ANKRD44: variants seen among roughly 807,000 people sequenced by gnomAD.
The protein encoded by ANKRD44 is ankyrin repeat domain 44, also known as serine/threonine-protein phosphatase 6 regulatory ankyrin repeat subunit B.
A neutral mutation model predicts 116.0 loss-of-function variants in ANKRD44; 35 were observed. That is an observed-to-expected ratio of 0.30 (90% CI 0.23 to 0.40). The LOEUF (loss-of-function observed/expected upper bound fraction) is 0.40. Among genes scored for constraint, ANKRD44 ranks in the 10% least tolerant of loss-of-function variants. ANKRD44 has a pLI of 1.00. For missense variants in ANKRD44, 1,014 were observed against 1,242.6 expected (o/e 0.82, Z 2.77); for synonymous variants, 435 against 461.8 (o/e 0.94, Z 0.74).
intron 1 of ANKRD44, among the ~76,000 whole-genome samples, chr2:197,194,144 CAGAGGGGCCCATCATATTGGG>C (rs1480613865): frequency 1.3e-5 from 2 of 152,254 alleles, no homozygotes; most frequent in African/African-American, 4.8e-5. Flanking sequence ...ACCTCTAAAG[CAGAGGGGCCCATCATATTGGG>C]AGAGAAGCTT....
At chr2:197,035,245 C>G (rs1344991166) in intron 16 of ANKRD44, among the ~76,000 whole-genome samples, 1 of 152,004 alleles carries the variant, frequency 6.6e-6, no homozygotes, top group Non-Finnish European at 1.5e-5. Context: ...AGCTGGGAAG[C>G]CAAGCTTTAT....
intron 1 of ANKRD44, chr2:197,263,225 G>A: frequency 1.9e-6 from 1 of 513,542 alleles, no homozygotes; most frequent in Non-Finnish European, 3.6e-6. Flanking sequence ...ACTGACAGGT[G>A]AGAACCTCAG....
downstream of ANKRD44, among the ~76,000 whole-genome samples, chr2:196,984,847 C>T (rs1020111678): frequency 1.3e-5 from 2 of 152,202 alleles, no homozygotes; most frequent in Non-Finnish European, 2.9e-5. Flanking sequence ...ACCAGGGTGG[C>T]GAGTAGCTTC....
chr2:197,088,127 A>G (rs4850759), intron 12 of ANKRD44, among the ~76,000 whole-genome samples: 75,581 of 152,108 alleles, frequency 0.5, 23,221 homozygotes, highest in East Asian at 0.84. Context: ...GACATTGATC[A>G]GAGCTTCAAT....
At chr2:197,268,142 C>T (rs1376058236) in intron 1 of ANKRD44, among the ~76,000 whole-genome samples, 1 of 152,204 alleles carries the variant, frequency 6.6e-6, no homozygotes, top group African/African-American at 2.4e-5. Context: ...AAGGGCATCA[C>T]AATGGGAAGG....
chr2:197,258,608 C>T (rs550735346), intron 1 of ANKRD44, among the ~76,000 whole-genome samples: 14 of 152,204 alleles, frequency 9.2e-5, no homozygotes, highest in African/African-American at 3.1e-4. Flanking sequence ...TATACCCAGA[C>T]GTAGGATTGC....
intron 10 of ANKRD44, among the ~76,000 whole-genome samples, chr2:197,098,488 A>G (rs568483854): frequency 2.6e-5 from 4 of 152,312 alleles, no homozygotes; most frequent in Admixed American, 6.5e-5. Flanking sequence ...CTGCTTTCAT[A>G]AGGTTTTTCT....
At chr2:197,251,075 A>T (rs1240511195) in intron 1 of ANKRD44, 1 of 152,316 alleles carries the variant, frequency 6.6e-6, no homozygotes, top group African/African-American at 2.4e-5. Context: ...ATATATTTTT[A>T]AATGTTTTTT....
chr2:197,056,905 A>G (rs1477361416), intron 16 of ANKRD44, among the ~76,000 whole-genome samples: 1 of 152,196 alleles, frequency 6.6e-6, no homozygotes, highest in Non-Finnish European at 1.5e-5. Flanking sequence ...TACATCTGCA[A>G]AATCTCTTCT....
At chr2:197,287,524 CA>C (rs2083439574) in intron 1 of ANKRD44, among the ~76,000 whole-genome samples, 1 of 152,106 alleles carries the variant, frequency 6.6e-6, no homozygotes, top group Admixed American at 6.5e-5. Context: ...GTATTCTCTC[CA>C]AAGAACCGTT....
At chr2:197,027,107 T>TC (rs2076610411) in intron 16 of ANKRD44, among the ~76,000 whole-genome samples, 1 of 152,034 alleles carries the variant, frequency 6.6e-6, no homozygotes, top group African/African-American at 2.4e-5. Flanking sequence ...ATGTCTGTAA[T>TC]CCCAGCACTT....
intron 1 of ANKRD44, among the ~76,000 whole-genome samples, chr2:197,240,088 A>G (rs1196620719): frequency 1.3e-5 from 2 of 152,094 alleles, no homozygotes; most frequent in Non-Finnish European, 2.9e-5. Context: ...TATATTCAAG[A>G]GGTAAACCAG....
At position 197,249,320 on chromosome 2, in the gene ANKRD44, C is replaced by A. The variant is rs936805769; in HGVS notation, c.27+61258G>T. On this transcript the variant is annotated intron_variant, in intron 1 of 27. Transcript: ENST00000282272. ...AAGAAATTTTTAAAAGAAAATCCCA[C>A]TAGAAAACACATTTGACAAGTAATT... 5.9e-5 allele frequency among the ~76,000 whole-genome samples: 9 copies of A among 152,144 alleles called. No homozygotes were observed. In the East Asian group the frequency reaches 1.7e-3, roughly 29 times the overall value.
intron 1 of ANKRD44, among the ~76,000 whole-genome samples, chr2:197,243,211 A>C (rs1345405030): frequency 6.6e-6 from 1 of 152,234 alleles, no homozygotes; most frequent in East Asian, 1.9e-4. Context: ...TTTACTATAC[A>C]TATATGGTGA....
At chr2:197,099,552 A>G (rs1480986091) in intron 10 of ANKRD44, 2 of 1,167,210 alleles carry the variant, frequency 1.7e-6, no homozygotes, top group Non-Finnish European at 2.1e-6. Context: ...ATTAGAAAGA[A>G]AAGTTACGAA....
intron 1 of ANKRD44, among the ~76,000 whole-genome samples, chr2:197,239,536 A>G (rs1338923413): frequency 6.6e-6 from 1 of 152,212 alleles, no homozygotes; most frequent in Non-Finnish European, 1.5e-5. Flanking sequence ...GGCCAAAAAA[A>G]CAGTCTTTAA....
chr2:197,048,113 T>C (rs955031552), intron 16 of ANKRD44, among the ~76,000 whole-genome samples: 1 of 152,232 alleles, frequency 6.6e-6, no homozygotes, highest in African/African-American at 2.4e-5. Context: ...AAATATTTTA[T>C]GTGAAATTTT....
rs570149582 is a variant in ANKRD44, at chr2:196,988,166, A to G, written c.*1425T>C. ...ATTCTTGTACTCTCTGCTACACGAC[A>G]GGAAAAATGTTAACGCTGCTTTGCC... On this transcript the variant is annotated 3_prime_UTR_variant, in exon 28 of 28. Coordinates refer to ENST00000282272, the MANE Select transcript of ANKRD44 (RefSeq NM_001195144.2). The G allele has an allele frequency of 1.0e-6, 1 of 985,478 alleles. No individual in the cohort carries two copies. Among genetic ancestry groups the G allele is most frequent in the South Asian group, 4.7e-5 (1 of 21,292 alleles). 61.0% of individuals were successfully genotyped at this position (985,478 alleles called of 1,614,324 possible).
chr2:196,969,847 A>C (rs1376575032), intron 21 of ANKRD44, among the ~76,000 whole-genome samples: 1 of 152,246 alleles, frequency 6.6e-6, no homozygotes, highest in African/African-American at 2.4e-5. Context: ...AGTAATGAAG[A>C]AAATCTGGAG....
Sources: gnomAD v4.1 joint callset for allele counts (sites outside exome capture counted in the v4.1 genomes callset) on GRCh38, gnomAD v4.1.1 for gene constraint, MANE v1.5 for transcripts, NCBI Gene and HGNC (gene_info 2026-07-23, HGNC 2026-07-21) for gene names.